UBE2E2: variants seen among roughly 807,000 people sequenced by gnomAD.
UBE2E2 encodes the protein ubiquitin-conjugating enzyme E2 E2.
UBE2E2 carries 6 observed loss-of-function variants against 24.7 expected under a neutral mutation model. The observed-to-expected ratio is 0.24, with a 90% CI of 0.13 to 0.48. The LOEUF is 0.48. Among genes scored for constraint, UBE2E2 ranks in the 20% least tolerant of loss-of-function variants. The probability of loss-of-function intolerance (pLI) is 0.99; values close to 1 mark genes in which losing one functional copy is unlikely to be tolerated. For missense variants in UBE2E2, 169 were observed against 245.0 expected (o/e 0.69, Z 2.07); for synonymous variants, 104 against 83.6 (o/e 1.24, Z -1.33).
intron 3 of UBE2E2, among the ~76,000 whole-genome samples, chr3:23,363,360 T>A (rs1314966508): frequency 6.6e-6 from 1 of 152,182 alleles, no homozygotes; most frequent in East Asian, 1.9e-4. Flanking sequence ...AATGACAGCT[T>A]GGATAAAGAA....
chr3:23,257,528 CACT>C (rs1559459171), intron 3 of UBE2E2, among the ~76,000 whole-genome samples: 69 of 11,776 alleles, frequency 5.9e-3, no homozygotes, highest in South Asian at 9.2e-3. Context: ...CCCCCCCCCC[CACT>C]TTTTTTTTTT....
At chr3:23,352,991 T>C (rs1233471073) in intron 3 of UBE2E2, among the ~76,000 whole-genome samples, 1 of 152,112 alleles carries the variant, frequency 6.6e-6, no homozygotes, top group African/African-American at 2.4e-5. Flanking sequence ...CTCAATAAAA[T>C]ACTAGCAAAC....
At chr3:23,208,939 C>T in intron 2 of UBE2E2, 64 bp downstream of exon 2, 1 of 1,435,800 alleles carries the variant, frequency 7.0e-7, no homozygotes, top group South Asian at 1.6e-5. Context: ...TTCTATTTTT[C>T]TCTTGCATTT....
At chr3:23,431,107 T>C (rs1698050422) in intron 3 of UBE2E2, among the ~76,000 whole-genome samples, 1 of 152,172 alleles carries the variant, frequency 6.6e-6, no homozygotes, top group South Asian at 2.1e-4. Context: ...ATTTATCTAT[T>C]TGGTATCTTC....
At chr3:23,508,527 A>G (rs1376961116) in intron 4 of UBE2E2, among the ~76,000 whole-genome samples, 1 of 152,166 alleles carries the variant, frequency 6.6e-6, no homozygotes, top group Non-Finnish European at 1.5e-5. Flanking sequence ...TGAGATGCTT[A>G]TTGCTCAAGC....
At chr3:23,461,089 G>A (rs1698796309) in intron 3 of UBE2E2, among the ~76,000 whole-genome samples, 1 of 152,104 alleles carries the variant, frequency 6.6e-6, no homozygotes, top group Non-Finnish European at 1.5e-5. Context: ...GCACTGCACT[G>A]CCTCTGTTAG....
chr3:23,439,877 C>G (rs1367916065), intron 3 of UBE2E2, among the ~76,000 whole-genome samples: 2 of 151,842 alleles, frequency 1.3e-5, no homozygotes, highest in Admixed American at 6.6e-5. Flanking sequence ...GTTTGAGGAA[C>G]AAGAAACCTA....
chr3:23,233,640 G>A (rs1409008757), intron 3 of UBE2E2, among the ~76,000 whole-genome samples: 1 of 152,090 alleles, frequency 6.6e-6, no homozygotes, highest in Non-Finnish European at 1.5e-5. Flanking sequence ...AGTGGCTTTA[G>A]TTATTAATAT....
chr3:23,208,960 T>C (rs1053026715), intron 2 of UBE2E2, 85 bp downstream of exon 2: 9 of 1,367,316 alleles, frequency 6.6e-6, no homozygotes, highest in Non-Finnish European at 6.8e-6. Context: ...AATCATTTTT[T>C]CTGGGATGTC....
chr3:23,527,485 C>T (rs1005530034), intron 4 of UBE2E2, among the ~76,000 whole-genome samples: 3 of 152,146 alleles, frequency 2.0e-5, no homozygotes, highest in African/African-American at 7.2e-5. Flanking sequence ...AAAAGCCTTG[C>T]GATCTCAGAA....
chr3:23,539,175 G>A lies in UBE2E2; in HGVS notation c.508+6474G>A, dbSNP rs918649069. ...GCAAGGATTTCCTATTTAGCCCATG[G>A]TATTTCTGCTTTGTGTGGGCAAGTC... On this transcript the variant is annotated intron_variant, in intron 5 of 5. Coordinates refer to ENST00000396703, the MANE Select transcript of UBE2E2 (RefSeq NM_152653.4). Among the ~76,000 whole-genome samples, 4 of 152,144 alleles carry A rather than the reference G, an allele frequency of 2.6e-5. No homozygotes were observed. The East Asian group carries it at 5.8e-4, about 22-fold the overall frequency.
In UBE2E2 at chr3:23,426,538, A is replaced by G. The variant is rs538359707; in HGVS notation, c.228-73070A>G. 8.3e-4 allele frequency among the ~76,000 whole-genome samples: 126 copies of G among 152,304 alleles called. 1 individual carries two copies. Among genetic ancestry groups the G allele is most frequent in the East Asian group, 3.9e-3 (20 of 5,188 alleles). On this transcript the variant is annotated intron_variant, in intron 3 of 5. Coordinates refer to ENST00000396703, the MANE Select transcript of UBE2E2 (RefSeq NM_152653.4). ...AGGGAGACCTGACTTAGAGAATTAT[A>G]TCCAACATTTCCTCAGAAACCATGC... is the stretch of plus-strand genomic sequence containing the variant.
At chr3:23,285,625 G>A (rs1156778876) in intron 3 of UBE2E2, among the ~76,000 whole-genome samples, 3 of 152,154 alleles carry the variant, frequency 2.0e-5, no homozygotes, top group Admixed American at 2.0e-4. Flanking sequence ...CTGATATTCA[G>A]TGATGTTGAG....
chr3:23,579,911 T>C (rs1696437275), intron 5 of UBE2E2, among the ~76,000 whole-genome samples: 1 of 152,158 alleles, frequency 6.6e-6, no homozygotes, highest in South Asian at 2.1e-4. Flanking sequence ...CTCTCGTGGA[T>C]GATTTGAGGG....
chr3:23,504,916 T>C (rs985249547), intron 4 of UBE2E2, among the ~76,000 whole-genome samples: 1 of 136,556 alleles, frequency 7.3e-6, no homozygotes, highest in Non-Finnish European at 1.6e-5. Context: ...TTCTTTCTTT[T>C]TTTTTTTTTT....
At chr3:23,381,348 A>T (rs1215388819) in intron 3 of UBE2E2, among the ~76,000 whole-genome samples, 1 of 152,218 alleles carries the variant, frequency 6.6e-6, no homozygotes, top group Admixed American at 6.5e-5. Context: ...ACTATCCAAA[A>T]TTCCAATAAA....
chr3:23,392,877 G>A (rs1025602270), intron 3 of UBE2E2, among the ~76,000 whole-genome samples: 2 of 152,168 alleles, frequency 1.3e-5, no homozygotes, highest in Non-Finnish European at 2.9e-5. Context: ...GAGGAGTAGA[G>A]TAAGAAAATC....
rs937760446 is a variant in UBE2E2, at chr3:23,260,881, G to A, written c.227+43569G>A. Among the ~76,000 whole-genome samples the A allele has an allele frequency of 2.2e-4, 33 of 152,166 alleles. 2 individuals carry two copies. The highest frequency in any genetic ancestry group is 1.6e-3 in the Admixed American group (24 of 15,284). ...AGCAATTTGAGAGGCTGAGGTGGGCGGATCACTTGCCAAGGAGTTTGAGAT... is the reference window on the plus strand; with the variant it reads ...AGCAATTTGAGAGGCTGAGGTGGGCAGATCACTTGCCAAGGAGTTTGAGAT... On this transcript the variant is annotated intron_variant, in intron 3 of 5. Coordinates refer to ENST00000396703, the MANE Select transcript of UBE2E2 (RefSeq NM_152653.4).
At chr3:23,337,150 A>G (rs1295614535) in intron 3 of UBE2E2, among the ~76,000 whole-genome samples, 1 of 151,958 alleles carries the variant, frequency 6.6e-6, no homozygotes, top group African/African-American at 2.4e-5. Context: ...AAAAAAAAAA[A>G]AAAAAAATTC....
Sources: gnomAD v4.1 joint callset for allele counts (sites outside exome capture counted in the v4.1 genomes callset) on GRCh38, gnomAD v4.1.1 for gene constraint, MANE v1.5 for transcripts, NCBI Gene and HGNC (gene_info 2026-07-23, HGNC 2026-07-21) for gene names.